The following RNF180 variants were observed in gnomAD, a reference collection of about 807,000 sequenced individuals.
The protein encoded by RNF180 is E3 ubiquitin-protein ligase RNF180.
Under a neutral mutation model 59.2 loss-of-function variants are expected in RNF180, and 38 were observed. That is an observed-to-expected ratio of 0.64 (90% CI 0.50 to 0.84). RNF180 has a LOEUF of 0.84. RNF180 is among the 40% of genes least tolerant of loss of function. RNF180 has a pLI of 0.00. For synonymous variants in RNF180, 262 were observed against 240.3 expected (o/e 1.09, Z -0.84); for missense variants, 705 against 700.9 (o/e 1.01, Z -0.07).
intron 7 of RNF180, among the ~76,000 whole-genome samples, chr5:64,359,392 T>C (rs1390086251): frequency 6.6e-6 from 1 of 151,942 alleles, no homozygotes; most frequent in Non-Finnish European, 1.5e-5. Context: ...CCAGTGATGA[T>C]GAGCATTTTT....
intron 5 of RNF180, among the ~76,000 whole-genome samples, chr5:64,271,587 A>G (rs1741401483): frequency 6.6e-6 from 1 of 152,040 alleles, no homozygotes; most frequent in African/African-American, 2.4e-5. Flanking sequence ...CACAATGACA[A>G]AATTGCCTAA....
intron 5 of RNF180, among the ~76,000 whole-genome samples, chr5:64,260,150 A>T (rs927487110): frequency 3.9e-5 from 6 of 152,230 alleles, no homozygotes; most frequent in African/African-American, 1.4e-4. Flanking sequence ...ATACATATTT[A>T]TGCATATAGA....
At chr5:64,296,949 G>A (rs186424493) in intron 5 of RNF180, among the ~76,000 whole-genome samples, 45 of 152,226 alleles carry the variant, frequency 3.0e-4, no homozygotes, top group Non-Finnish European at 4.7e-4. Flanking sequence ...TAGGAAAAGA[G>A]TGACTTTTCT....
At chr5:64,227,223 G>A (rs1393468473) in intron 5 of RNF180, among the ~76,000 whole-genome samples, 1 of 152,154 alleles carries the variant, frequency 6.6e-6, no homozygotes, top group East Asian at 1.9e-4. Context: ...GACAGCCTTG[G>A]GGAAAGGAAG....
At chr5:64,330,499 GA>G in intron 7 of RNF180, 93 bp downstream of exon 7, 1 of 1,162,636 alleles carries the variant, frequency 8.6e-7, no homozygotes, top group East Asian at 2.6e-5. Flanking sequence ...AATATTAGGG[GA>G]AACATATTTC....
intron 5 of RNF180, among the ~76,000 whole-genome samples, chr5:64,250,815 C>G (rs1743519553): frequency 6.6e-6 from 1 of 152,120 alleles, no homozygotes; most frequent in Non-Finnish European, 1.5e-5. Flanking sequence ...CAAACTGATT[C>G]AAGAAATTGA....
chr5:64,357,935 C>T (rs915807223), intron 7 of RNF180, among the ~76,000 whole-genome samples: 12 of 151,782 alleles, frequency 7.9e-5, no homozygotes, highest in Admixed American at 4.6e-4. Flanking sequence ...AACCTGATAT[C>T]AACTTGTAGA....
In RNF180 at chr5:64,323,583, T is replaced by C. The variant is rs183635990; in HGVS notation, c.1228-1603T>C. The stretch of plus-strand genomic sequence containing the variant: ...AGAATATAATAACAGTAAACACTTA[T>C]AGTATGTTTTATATTATAAGCACTG... On this transcript the variant is annotated intron_variant, in intron 5 of 7. Coordinates refer to ENST00000389100, the MANE Select transcript of RNF180 (RefSeq NM_001113561.2). Among the ~76,000 whole-genome samples the C allele has an allele frequency of 9.9e-4, 151 of 152,248 alleles. 1 individual carries two copies. Among genetic ancestry groups the C allele is most frequent in the Middle Eastern group, 3.4e-3 (1 of 294 alleles).
chr5:64,258,607 C>T (rs1744131417), intron 5 of RNF180, among the ~76,000 whole-genome samples: 1 of 151,984 alleles, frequency 6.6e-6, no homozygotes, highest in South Asian at 2.1e-4. Flanking sequence ...GGCAGTGAAG[C>T]AAGGAATGCT....
chr5:64,220,207 T>C (rs1752838655), intron 5 of RNF180, among the ~76,000 whole-genome samples: 2 of 151,998 alleles, frequency 1.3e-5, no homozygotes, highest in Admixed American at 6.6e-5. Context: ...TTAAAATTGT[T>C]TTACTGTTTT....
intron 5 of RNF180, among the ~76,000 whole-genome samples, chr5:64,284,162 T>C (rs1271403825): frequency 2.0e-5 from 3 of 152,240 alleles, no homozygotes; most frequent in Admixed American, 6.5e-5. Context: ...TTCTTTTCTT[T>C]AGGCATGTTG....
intron 7 of RNF180, among the ~76,000 whole-genome samples, chr5:64,349,941 G>A (rs1418790595): frequency 6.6e-6 from 1 of 151,338 alleles, no homozygotes; most frequent in Non-Finnish European, 1.5e-5. Flanking sequence ...ATAATCCTTT[G>A]GGTATATACC....
At chr5:64,168,893 T>C (rs563695021) in intron 1 of RNF180, among the ~76,000 whole-genome samples, 12 of 152,218 alleles carry the variant, frequency 7.9e-5, no homozygotes, top group Non-Finnish European at 1.5e-5. Context: ...TTGGGTAGCA[T>C]CTCATTCCAT....
chr5:64,180,601 G>A (rs1221933313), intron 1 of RNF180, among the ~76,000 whole-genome samples: 1 of 152,090 alleles, frequency 6.6e-6, no homozygotes, highest in Non-Finnish European at 1.5e-5. Flanking sequence ...CCTTAATTAA[G>A]AAGCATATGG....
At chr5:64,188,262 A>G (rs753828039) in intron 1 of RNF180, among the ~76,000 whole-genome samples, 4 of 152,242 alleles carry the variant, frequency 2.6e-5, no homozygotes, top group Admixed American at 6.5e-5. Flanking sequence ...CATTAAGGAC[A>G]TGCTATTTCT....
At chr5:64,243,194 A>AT (rs1031193075) in intron 5 of RNF180, among the ~76,000 whole-genome samples, 2 of 151,920 alleles carry the variant, frequency 1.3e-5, no homozygotes, top group African/African-American at 4.8e-5. Flanking sequence ...CCTGCAGGAG[A>AT]TTTTTTTTCA....
chr5:64,305,445 A>T (rs1244416667), intron 5 of RNF180, among the ~76,000 whole-genome samples: 1 of 150,874 alleles, frequency 6.6e-6, no homozygotes, highest in Non-Finnish European at 1.5e-5. Context: ...ACCATATTAA[A>T]TGCAGCCAGT....
At chr5:64,210,948 C>T (rs1752283330) in intron 2 of RNF180, among the ~76,000 whole-genome samples, 1 of 152,018 alleles carries the variant, frequency 6.6e-6, no homozygotes, top group Non-Finnish European at 1.5e-5. Flanking sequence ...CTGAGGAGTT[C>T]TGGGCTGGGA....
At chr5:64,296,750 G>A (rs1487990215) in intron 5 of RNF180, among the ~76,000 whole-genome samples, 1 of 152,040 alleles carries the variant, frequency 6.6e-6, no homozygotes, top group Non-Finnish European at 1.5e-5. Flanking sequence ...GTGCTCTCCT[G>A]TCCCAGGCTT....
Sources: gnomAD v4.1 joint callset for allele counts (sites outside exome capture counted in the v4.1 genomes callset) on GRCh38, gnomAD v4.1.1 for gene constraint, MANE v1.5 for transcripts, NCBI Gene and HGNC (gene_info 2026-07-23, HGNC 2026-07-21) for gene names.